Variants in AIM2 observed in about 807,000 individuals in gnomAD.
AIM2 encodes the protein interferon-inducible protein AIM2.
A neutral mutation model predicts 27.7 loss-of-function variants in AIM2; 30 were observed. The observed-to-expected ratio is 1.08, with a 90% CI of 0.81 to 1.47. The LOEUF is 1.47. Ranked by LOEUF, AIM2 falls within the 40% of genes most tolerant of loss-of-function variation. The pLI, the probability that AIM2 is intolerant of heterozygous loss-of-function variation, is 0.00. For missense variants in AIM2, 358 were observed against 411.3 expected (o/e 0.87, Z 1.12); for synonymous variants, 141 against 145.3 (o/e 0.97, Z 0.21).
chr1:159,057,257 C>G, the AIM2 span, among the ~76,000 whole-genome samples: 1 of 145,794 alleles, frequency 6.9e-6, no homozygotes, highest in African/African-American at 2.4e-5. Flanking sequence ...TTCCCTAGAC[C>G]TAATTTATGA....
chr1:159,079,004 G>C (rs1291823569), upstream of AIM2, among the ~76,000 whole-genome samples: 2 of 152,094 alleles, frequency 1.3e-5, no homozygotes, highest in Non-Finnish European at 2.9e-5. Flanking sequence ...ATTCAAGTCA[G>C]TTTTGTGTGT....
chr1:159,106,514 A>T (rs751524028), intron 1 of AIM2, among the ~76,000 whole-genome samples: 18 of 152,180 alleles, frequency 1.2e-4, no homozygotes, highest in African/African-American at 4.3e-4. Context: ...AGAAAGAAAA[A>T]ATTTTTCTCT....
chr1:159,113,851 A>C (rs1298767707), intron 1 of AIM2, among the ~76,000 whole-genome samples: 15 of 152,324 alleles, frequency 9.8e-5, no homozygotes, highest in Non-Finnish European at 2.1e-4. Context: ...GAAGTTTTGA[A>C]AGTTAGCCAG....
chr1:159,098,993 T>C (rs1259326043), intron 1 of AIM2, among the ~76,000 whole-genome samples: 3 of 119,156 alleles, frequency 2.5e-5, no homozygotes, highest in Non-Finnish European at 5.3e-5. Context: ...GGCACAAGCT[T>C]CATGGTTGTG....
chr1:159,116,522 T>G (rs1190086701), intron 1 of AIM2, among the ~76,000 whole-genome samples: 6 of 152,196 alleles, frequency 3.9e-5, no homozygotes, highest in Non-Finnish European at 7.3e-5. Flanking sequence ...GATGAGTTCA[T>G]GTCCTTTGTA....
chr1:159,058,653 G>A (rs986528184), downstream of AIM2, among the ~76,000 whole-genome samples: 2 of 152,100 alleles, frequency 1.3e-5, no homozygotes, highest in African/African-American at 4.8e-5. Flanking sequence ...GAAAGGAGAG[G>A]GAAAAAGATT....
chr1:159,123,809 G>A (rs1468323374), intron 1 of AIM2, among the ~76,000 whole-genome samples: 1 of 152,206 alleles, frequency 6.6e-6, no homozygotes, highest in Non-Finnish European at 1.5e-5. Context: ...TAGCAGGAAA[G>A]CCAGTAAAGA....
chr1:159,146,055 A>C (rs141624300), intron 1 of AIM2, among the ~76,000 whole-genome samples: 1 of 152,066 alleles, frequency 6.6e-6, no homozygotes, highest in African/African-American at 2.4e-5. Context: ...GCAGTGAAGC[A>C]AGATCACGCC....
At chr1:159,131,350 T>C (rs754008463) in intron 1 of AIM2, among the ~76,000 whole-genome samples, 4 of 152,216 alleles carry the variant, frequency 2.6e-5, no homozygotes, top group Non-Finnish European at 2.9e-5. Context: ...TGTGCATATA[T>C]ATATGTATAT....
rs577467566 is a variant in AIM2, at chr1:159,121,508, GT to G, written c.-16+18922del. Among the ~76,000 whole-genome samples, 8 of 151,954 alleles carry G rather than the reference GT, an allele frequency of 5.3e-5. No individual in the cohort carries two copies. In the South Asian group the frequency reaches 1.7e-3, roughly 32 times the overall value. The stretch of plus-strand genomic sequence containing the variant: ...TTTTTTCCTAAATTTTTGGTTCTTT[GT>G]TTACTTATTTTGTGTGTGTAATTTG... On this transcript the variant is annotated intron_variant, in intron 1 of 2. Transcript: ENST00000368129.
chr1:159,128,204 A>C (rs1180438197), intron 1 of AIM2, among the ~76,000 whole-genome samples: 1 of 152,076 alleles, frequency 6.6e-6, no homozygotes, highest in Admixed American at 6.6e-5. Context: ...AATGTATCAT[A>C]AACCCACAAT....
the AIM2 span, chr1:159,055,128 A>G: frequency 2.9e-6 from 1 of 348,042 alleles, no homozygotes; most frequent in East Asian, 4.6e-5. Context: ...GAAAAAATAA[A>G]TAAACATTAT....
intron 2 of AIM2, among the ~76,000 whole-genome samples, chr1:159,072,112 A>G (rs781137756): frequency 6.6e-6 from 1 of 152,222 alleles, no homozygotes; most frequent in Admixed American, 6.5e-5. Context: ...CTCATCCCAG[A>G]TAAGAAAAAC....
intron 1 of AIM2, among the ~76,000 whole-genome samples, chr1:159,124,902 A>G (rs1368857436): frequency 1.3e-5 from 2 of 152,230 alleles, no homozygotes; most frequent in African/African-American, 4.8e-5. Context: ...GTGGCAAGGG[A>G]TCTTTCCAAA....
At position 159,111,228 on chromosome 1, in the gene AIM2, G is replaced by A. The variant is rs529755756; in HGVS notation, c.-16+29203C>T. On this transcript the variant is annotated intron_variant, in intron 1 of 2. Transcript: ENST00000368129. Reference sequence around the variant, plus strand: ...GGTTATTCTAACAGCAAAGTGAATAGGAATTAGGCCAAGGACAGTCCACAT... The same window carrying A: ...GGTTATTCTAACAGCAAAGTGAATAAGAATTAGGCCAAGGACAGTCCACAT... 1.2e-4 allele frequency among the ~76,000 whole-genome samples: 18 copies of A among 152,298 alleles called. No homozygotes were observed. The East Asian group carries it at 2.3e-3, about 20-fold the overall frequency.
intron 1 of AIM2, among the ~76,000 whole-genome samples, chr1:159,091,802 C>T (rs955855560): frequency 1.3e-5 from 2 of 152,228 alleles, no homozygotes; most frequent in Non-Finnish European, 2.9e-5. Context: ...CTTCGTCCCT[C>T]TCTATTGAAA....
At chr1:159,111,830 T>TCATC (rs1225766754) in intron 1 of AIM2, among the ~76,000 whole-genome samples, 1 of 119,126 alleles carries the variant, frequency 8.4e-6, no homozygotes, top group Non-Finnish European at 1.7e-5. Flanking sequence ...TATCTATCTA[T>TCATC]CATCTATCTA....
Position 159,073,518 on chromosome 1 carries a change from G to C in AIM2, c.-19C>G, listed in dbSNP as rs1361565370. 6.2e-7 allele frequency: 1 copy of C among 1,600,460 alleles called. No homozygotes were observed. Among genetic ancestry groups the C allele is most frequent in the Non-Finnish European group, 8.5e-7 (1 of 1,170,240 alleles). On this transcript the variant is annotated splice_region_variant and 5_prime_UTR_variant, in exon 2 of 6. Transcript: ENST00000368130. ...TCTCCATCTGACAACTTTGGGATCAGCCTATAAGGAATCCAAAACATGTAA... is the reference window on the plus strand; with the variant it reads ...TCTCCATCTGACAACTTTGGGATCACCCTATAAGGAATCCAAAACATGTAA...
At chr1:159,116,410 A>G (rs563873832) in intron 1 of AIM2, among the ~76,000 whole-genome samples, 13 of 152,352 alleles carry the variant, frequency 8.5e-5, no homozygotes, top group East Asian at 3.9e-4. Flanking sequence ...ACTATTCACA[A>G]TAGCAAAGAC....
Sources: allele counts gnomAD v4.1 joint callset (sites outside exome capture counted in the v4.1 genomes callset), GRCh38; gene constraint gnomAD v4.1.1; transcripts MANE v1.5; gene names NCBI Gene and HGNC (gene_info 2026-07-23, HGNC 2026-07-21).